Variants in ANKS1B observed in about 807,000 individuals in gnomAD.
ANKS1B encodes ankyrin repeat and sterile alpha motif domain-containing protein 1B.
A neutral mutation model predicts 148.3 loss-of-function variants in ANKS1B; 36 were observed. That is an observed-to-expected ratio of 0.24 (90% CI 0.19 to 0.32). The LOEUF is 0.32. Among genes scored for constraint, ANKS1B ranks in the 10% least tolerant of loss-of-function variants. ANKS1B has a pLI of 1.00. For missense variants in ANKS1B, 1,157 were observed against 1,542.6 expected (o/e 0.75, Z 4.19); for synonymous variants, 542 against 560.8 (o/e 0.97, Z 0.47).
intron 12 of ANKS1B, among the ~76,000 whole-genome samples, chr12:99,270,753 G>T (rs2076951263): frequency 6.6e-6 from 1 of 152,170 alleles, no homozygotes; most frequent in African/African-American, 2.4e-5. Flanking sequence ...ATTACACAAA[G>T]CTCTTCATTG....
intron 12 of ANKS1B, among the ~76,000 whole-genome samples, chr12:99,364,864 G>A (rs182608010): frequency 8.5e-5 from 13 of 152,292 alleles, no homozygotes; most frequent in African/African-American, 2.6e-4. Context: ...CAATGAGGAA[G>A]ATAGACAAGG....
chr12:98,830,838 C>T (rs2099303349), intron 18 of ANKS1B, among the ~76,000 whole-genome samples: 3 of 151,574 alleles, frequency 2.0e-5, no homozygotes, highest in Admixed American at 2.0e-4. Context: ...GCCTGGAAAT[C>T]ATCTTTCTCA....
intron 12 of ANKS1B, among the ~76,000 whole-genome samples, chr12:99,363,249 GA>G (rs2092588842): frequency 6.6e-6 from 1 of 151,978 alleles, no homozygotes; most frequent in Admixed American, 6.6e-5. Context: ...GGAGAAACTA[GA>G]AACTAGGCAG....
intron 9 of ANKS1B, among the ~76,000 whole-genome samples, chr12:99,558,551 T>C (rs1455406047): frequency 6.6e-6 from 1 of 152,068 alleles, no homozygotes; most frequent in Non-Finnish European, 1.5e-5. Context: ...TGGGTTGGTG[T>C]GTGTCAACAA....
chr12:99,917,306 C>T (rs1375530291), intron 1 of ANKS1B, among the ~76,000 whole-genome samples: 1 of 152,202 alleles, frequency 6.6e-6, no homozygotes, highest in African/African-American at 2.4e-5. Context: ...GAAAAGATGA[C>T]CCATCCAATG....
At chr12:99,817,021 T>A (rs963303446) in intron 2 of ANKS1B, among the ~76,000 whole-genome samples, 1 of 151,690 alleles carries the variant, frequency 6.6e-6, no homozygotes, top group African/African-American at 2.4e-5. Flanking sequence ...ATCTTTTTTT[T>A]GTGTTGGGAA....
chr12:99,762,581 G>T (rs1428982901), intron 8 of ANKS1B, among the ~76,000 whole-genome samples: 1 of 152,072 alleles, frequency 6.6e-6, no homozygotes, highest in Non-Finnish European at 1.5e-5. Flanking sequence ...AAGAATCTTA[G>T]AATGAAACCT....
At chr12:99,372,280 C>A (rs182286281) in intron 12 of ANKS1B, among the ~76,000 whole-genome samples, 44 of 151,644 alleles carry the variant, frequency 2.9e-4, no homozygotes, top group African/African-American at 1.0e-3. Flanking sequence ...TTGCTGTGAA[C>A]CTAAAAAGAA....
At chr12:99,345,159 C>G (rs1163594133) in intron 12 of ANKS1B, among the ~76,000 whole-genome samples, 1 of 152,014 alleles carries the variant, frequency 6.6e-6, no homozygotes, top group Non-Finnish European at 1.5e-5. Context: ...CATCTTATAT[C>G]AAAGATACTG....
intron 1 of ANKS1B, among the ~76,000 whole-genome samples, chr12:99,826,540 G>A (rs2083208275): frequency 6.6e-6 from 1 of 152,060 alleles, no homozygotes. Flanking sequence ...CAGACTTTAG[G>A]CTTACATGAC....
At chr12:99,350,298 C>G (rs186933853) in intron 12 of ANKS1B, among the ~76,000 whole-genome samples, 1 of 151,932 alleles carries the variant, frequency 6.6e-6, no homozygotes, top group African/African-American at 2.4e-5. Flanking sequence ...AACCATGAGA[C>G]AATTAAACCT....
intron 8 of ANKS1B, among the ~76,000 whole-genome samples, chr12:99,764,309 C>T (rs2062440367): frequency 6.6e-6 from 1 of 152,108 alleles, no homozygotes; most frequent in South Asian, 2.1e-4. Flanking sequence ...ATAGTTAGAT[C>T]TAAATAGAAG....
intron 17 of ANKS1B, among the ~76,000 whole-genome samples, chr12:98,849,085 C>A (rs549216205): frequency 6.6e-6 from 1 of 152,172 alleles, no homozygotes; most frequent in East Asian, 1.9e-4. Flanking sequence ...CAAAGTTCAT[C>A]CTCAAGATAA....
intron 12 of ANKS1B, among the ~76,000 whole-genome samples, chr12:99,318,480 T>C (rs915884499): frequency 2.0e-5 from 3 of 152,126 alleles, no homozygotes; most frequent in African/African-American, 7.2e-5. Flanking sequence ...TCTTTGAGGG[T>C]AGTTTGTATG....
intron 2 of ANKS1B, among the ~76,000 whole-genome samples, chr12:99,823,715 T>G (rs2082803580): frequency 6.6e-6 from 1 of 152,224 alleles, no homozygotes; most frequent in Non-Finnish European, 1.5e-5. Context: ...ATTCTTATAG[T>G]TTGAGATCTT....
At chr12:99,322,482 A>G (rs1481398813) in intron 12 of ANKS1B, among the ~76,000 whole-genome samples, 1 of 151,676 alleles carries the variant, frequency 6.6e-6, no homozygotes. Flanking sequence ...TAAAGTAAAA[A>G]AAAAAAAAAA....
chr12:99,462,857 T>C lies in ANKS1B; in HGVS notation c.1439-19048A>G, dbSNP rs185756594. On this transcript the variant is annotated intron_variant, in intron 10 of 26. Transcript: ENST00000683438. Reference sequence around the variant, plus strand: ...TGGCTGTTAAAAAGAGTCTAGGATCTACCTCTTCTCTCTTGCTCACTCTCT... The same window carrying C: ...TGGCTGTTAAAAAGAGTCTAGGATCCACCTCTTCTCTCTTGCTCACTCTCT... Among the ~76,000 whole-genome samples the C allele has an allele frequency of 3.9e-5, 6 of 152,288 alleles. No individual in the cohort carries two copies. In the East Asian group the frequency reaches 1.2e-3, roughly 30 times the overall value.
At chr12:99,527,307 A>G (rs1366243566) in intron 9 of ANKS1B, among the ~76,000 whole-genome samples, 1 of 152,220 alleles carries the variant, frequency 6.6e-6, no homozygotes, top group Non-Finnish European at 1.5e-5. Context: ...AGGGACTATC[A>G]AAAAAGGGGA....
intron 17 of ANKS1B, among the ~76,000 whole-genome samples, chr12:99,007,622 C>T (rs1187112376): frequency 1.3e-5 from 2 of 152,272 alleles, no homozygotes; most frequent in African/African-American, 4.8e-5. Context: ...TTTTCCATTG[C>T]TCCATTGATG....
Sources: allele counts gnomAD v4.1 joint callset (sites outside exome capture counted in the v4.1 genomes callset), GRCh38; gene constraint gnomAD v4.1.1; transcripts MANE v1.5; gene names NCBI Gene and HGNC (gene_info 2026-07-23, HGNC 2026-07-21).